The following ACBD6 variants were observed in gnomAD, a reference collection of about 807,000 sequenced individuals.
The protein encoded by ACBD6 is acyl-CoA binding domain containing 6, also known as acyl-CoA-binding domain-containing protein 6.
In ACBD6, 28 loss-of-function variants were observed where a neutral mutation model predicts 37.2. The observed-to-expected ratio is 0.75, with a 90% CI of 0.56 to 1.03. The LOEUF (loss-of-function observed/expected upper bound fraction) is 1.03, where lower values mean the gene tolerates loss of function less well. Ranked by LOEUF, ACBD6 falls within the 50% of genes least tolerant of loss-of-function variation. ACBD6 has a pLI of 0.00. For synonymous variants in ACBD6, 113 were observed against 126.8 expected, an observed-to-expected ratio of 0.89 and a Z score of 0.73; for missense variants, 340 against 337.4, an observed-to-expected ratio of 1.01 and a Z score of -0.06.
At chr1:180,435,019 C>G in intron 3 of ACBD6, 1 of 968,944 alleles carries the variant, frequency 1.0e-6, no homozygotes, top group Admixed American at 1.7e-5. Context: ...AAATGGAACA[C>G]CGACAATACA....
At chr1:180,495,947 T>C (rs1004427169) in intron 1 of ACBD6, among the ~76,000 whole-genome samples, 1 of 152,290 alleles carries the variant, frequency 6.6e-6, no homozygotes, top group African/African-American at 2.4e-5. Context: ...TTCATGCTGA[T>C]TCTCATAACG....
chr1:180,290,342 C>G (rs1306693279), intron 7 of ACBD6, among the ~76,000 whole-genome samples: 1 of 152,104 alleles, frequency 6.6e-6, no homozygotes, highest in Non-Finnish European at 1.5e-5. Flanking sequence ...TAGGTGTGTG[C>G]TACCATGCTT....
At chr1:180,432,220 AT>A (rs942571951) in intron 3 of ACBD6, among the ~76,000 whole-genome samples, 17 of 143,106 alleles carry the variant, frequency 1.2e-4, no homozygotes, top group Non-Finnish European at 1.7e-4. Flanking sequence ...AAAAAAAAAA[AT>A]TTATAATCCA....
chr1:180,417,352 T>C (rs978375038), intron 4 of ACBD6, among the ~76,000 whole-genome samples: 1 of 152,172 alleles, frequency 6.6e-6, no homozygotes, highest in Non-Finnish European at 1.5e-5. Context: ...CTCCTTACTA[T>C]AGTTAGTATA....
At chr1:180,474,453 T>TA (rs67426379) in intron 3 of ACBD6, among the ~76,000 whole-genome samples, 19,350 of 147,998 alleles carry the variant, frequency 0.13, 1,771 homozygotes, top group East Asian at 0.36. Flanking sequence ...TCTGAAAAGC[T>TA]AAAAAAAAAA....
In ACBD6 at chr1:180,377,949, A is replaced by AAATAATAATAAT. The variant is rs71118455; in HGVS notation, c.663+19555_663+19566dup. Among the ~76,000 whole-genome samples the AAATAATAATAAT allele has an allele frequency of 1.3e-3, 192 of 143,398 alleles. 1 individual carries two copies. The highest frequency in any genetic ancestry group is 2.3e-3 in the Admixed American group (33 of 14,242). The allele number at this position is 143,398 out of a possible 152,430, so 94.1% of individuals were successfully genotyped here. On this transcript the variant is annotated intron_variant, in intron 6 of 7. Coordinates refer to ENST00000367595, the MANE Select transcript of ACBD6 (RefSeq NM_032360.4). ...GCGACAAGAACAAAACTCTGTCTCA[A>AAATAATAATAAT]AATAATAATAATAATAATAATAATA...
At chr1:180,473,223 G>A (rs543153507) in intron 3 of ACBD6, among the ~76,000 whole-genome samples, 104 of 152,162 alleles carry the variant, frequency 6.8e-4, no homozygotes, top group African/African-American at 2.1e-3. Context: ...CGAGGCGGGC[G>A]GATCACGAGG....
chr1:180,415,730 G>A (rs1648064548), intron 4 of ACBD6, among the ~76,000 whole-genome samples: 1 of 152,156 alleles, frequency 6.6e-6, no homozygotes, highest in Non-Finnish European at 1.5e-5. Context: ...GAGGACCTTT[G>A]GAGTGGCCCC....
intron 6 of ACBD6, among the ~76,000 whole-genome samples, chr1:180,316,797 G>T (rs1284000851): frequency 4.6e-5 from 7 of 152,098 alleles, no homozygotes; most frequent in Admixed American, 3.9e-4. Flanking sequence ...ATGAGACAGA[G>T]GTCTCTAATG....
intron 6 of ACBD6, among the ~76,000 whole-genome samples, chr1:180,348,687 T>G (rs975317113): frequency 1.3e-5 from 2 of 152,236 alleles, no homozygotes; most frequent in African/African-American, 4.8e-5. Flanking sequence ...AAGTAAATTG[T>G]AAGCCTGCCC....
chr1:180,447,040 AAAAC>A (rs1268573838), intron 3 of ACBD6, among the ~76,000 whole-genome samples: 3 of 152,186 alleles, frequency 2.0e-5, no homozygotes, highest in African/African-American at 4.8e-5. Flanking sequence ...ACTCTGTCCC[AAAAC>A]AAACAAACAA....
intron 9 of ACBD6, chr1:180,275,443 A>AT (rs1252867621): frequency 1.3e-5 from 2 of 152,254 alleles, no homozygotes; most frequent in Non-Finnish European, 2.9e-5. Flanking sequence ...AATGACAATC[A>AT]ATCAGTGAAC....
chr1:180,367,387 A>T (rs1434104400), intron 6 of ACBD6, among the ~76,000 whole-genome samples: 1 of 152,144 alleles, frequency 6.6e-6, no homozygotes, highest in Admixed American at 6.6e-5. Context: ...TTTCCTTTTT[A>T]AAAAAACTTT....
intron 3 of ACBD6, chr1:180,434,860 G>T: frequency 1.3e-6 from 1 of 753,980 alleles, no homozygotes; most frequent in South Asian, 1.4e-5. Flanking sequence ...CTTCACCAAG[G>T]GTTATGGATT....
At chr1:180,359,797 T>G (rs943633535) in intron 6 of ACBD6, among the ~76,000 whole-genome samples, 14 of 152,176 alleles carry the variant, frequency 9.2e-5, no homozygotes, top group African/African-American at 2.2e-4. Context: ...GTGTTTTTTT[T>G]GTCTCCTATT....
At chr1:180,302,788 TC>T (rs1479291064) in intron 7 of ACBD6, among the ~76,000 whole-genome samples, 1 of 149,696 alleles carries the variant, frequency 6.7e-6, no homozygotes, top group African/African-American at 2.5e-5. Flanking sequence ...CCACCCCAAA[TC>T]AACAGAATAT....
chr1:180,447,789 G>GC (rs1373360634), intron 3 of ACBD6, among the ~76,000 whole-genome samples: 1 of 151,820 alleles, frequency 6.6e-6, no homozygotes, highest in Non-Finnish European at 1.5e-5. Context: ...ATTTAAACCA[G>GC]CATTTCTGTA....
chr1:180,325,911 T>C (rs1458973133), intron 6 of ACBD6, among the ~76,000 whole-genome samples: 4 of 152,168 alleles, frequency 2.6e-5, no homozygotes, highest in African/African-American at 4.8e-5. Context: ...ACTTGGATCC[T>C]GGGGTGGAGT....
chr1:180,499,587 T>C (rs191335581), intron 1 of ACBD6, among the ~76,000 whole-genome samples: 1 of 152,314 alleles, frequency 6.6e-6, no homozygotes, highest in African/African-American at 2.4e-5. Flanking sequence ...CAAAGATATG[T>C]CCTAGAACGA....
Sources: allele counts gnomAD v4.1 joint callset (sites outside exome capture counted in the v4.1 genomes callset), GRCh38; gene constraint gnomAD v4.1.1; transcripts MANE v1.5; gene names NCBI Gene and HGNC (gene_info 2026-07-23, HGNC 2026-07-21).